The following CLVS1 variants were observed in gnomAD, a reference collection of about 807,000 sequenced individuals.
The protein encoded by CLVS1 is clavesin 1.
Under a neutral mutation model 33.1 loss-of-function variants are expected in CLVS1, and 10 were observed. That is an observed-to-expected ratio of 0.30 (90% CI 0.19 to 0.51). The LOEUF is 0.51. Among genes scored for constraint, CLVS1 ranks in the 20% least tolerant of loss-of-function variants. The probability of loss-of-function intolerance (pLI) is 0.97; values close to 1 mark genes in which losing one functional copy is unlikely to be tolerated. For missense variants in CLVS1, 343 were observed against 433.4 expected, an observed-to-expected ratio of 0.79 and a Z score of 1.85; for synonymous variants, 163 against 166.1, an observed-to-expected ratio of 0.98 and a Z score of 0.14.
intron 1 of CLVS1, among the ~76,000 whole-genome samples, chr8:61,067,431 G>T (rs1239922032): frequency 1.4e-5 from 2 of 147,702 alleles, no homozygotes; most frequent in East Asian, 3.9e-4. Context: ...TACTTATAAG[G>T]ATATATTATA....
intron 2 of CLVS1, among the ~76,000 whole-genome samples, chr8:61,279,806 CAGTTTCAG>C (rs1308338900): frequency 6.6e-6 from 1 of 151,948 alleles, no homozygotes; most frequent in Non-Finnish European, 1.5e-5. Context: ...ATATTTTATC[CAGTTTCAG>C]AGTCTGAATA....
chr8:61,266,976 G>A (rs1463041703), intron 2 of CLVS1, among the ~76,000 whole-genome samples: 1 of 152,196 alleles, frequency 6.6e-6, no homozygotes, highest in Non-Finnish European at 1.5e-5. Context: ...GCCACACAGA[G>A]GCAGTTTCAC....
chr8:61,036,968 A>G, the CLVS1 span, among the ~76,000 whole-genome samples: 3 of 152,228 alleles, frequency 2.0e-5, no homozygotes, highest in African/African-American at 7.2e-5. Flanking sequence ...CTCTCTGACC[A>G]GAAAAGAGGA....
At chr8:61,073,803 G>A (rs1200771138) in intron 1 of CLVS1, among the ~76,000 whole-genome samples, 1 of 148,418 alleles carries the variant, frequency 6.7e-6, no homozygotes, top group Non-Finnish European at 1.5e-5. Context: ...ACGAGGTCAG[G>A]AGATCGAGAC....
At chr8:61,339,341 T>C (rs553745843) in intron 2 of CLVS1, among the ~76,000 whole-genome samples, 2 of 152,248 alleles carry the variant, frequency 1.3e-5, no homozygotes, top group South Asian at 4.1e-4. Context: ...AAGGCAGAGG[T>C]CTAGGAGTCA....
chr8:61,277,743 C>T (rs1196622242), intron 2 of CLVS1, among the ~76,000 whole-genome samples: 3 of 151,992 alleles, frequency 2.0e-5, no homozygotes, highest in Non-Finnish European at 2.9e-5. Flanking sequence ...TAATAACGTC[C>T]GTAGATTCTC....
intron 5 of CLVS1, among the ~76,000 whole-genome samples, chr8:61,493,181 T>C (rs2640238): frequency 0.029 from 4,400 of 152,324 alleles, 74 homozygotes; most frequent in African/African-American, 0.056. Context: ...TTTTTTAAAA[T>C]ACTAGACTTC....
the CLVS1 span, among the ~76,000 whole-genome samples, chr8:61,010,637 T>C: frequency 2.6e-5 from 4 of 152,278 alleles, no homozygotes; most frequent in South Asian, 8.3e-4. Flanking sequence ...TTGTTAATGG[T>C]GGAGATGAGG....
At chr8:61,077,981 T>TG (rs911806514) in intron 1 of CLVS1, among the ~76,000 whole-genome samples, 2 of 152,152 alleles carry the variant, frequency 1.3e-5, no homozygotes, top group African/African-American at 4.8e-5. Context: ...TGGCTTGACT[T>TG]GGGATCAGAC....
intron 2 of CLVS1, among the ~76,000 whole-genome samples, chr8:61,242,555 C>T (rs770827259): frequency 2.0e-5 from 3 of 152,022 alleles, no homozygotes; most frequent in Non-Finnish European, 2.9e-5. Context: ...TCTGGAAGGC[C>T]GAGGCGGGAG....
the CLVS1 span, among the ~76,000 whole-genome samples, chr8:60,981,289 A>G: frequency 3.3e-5 from 5 of 152,266 alleles, no homozygotes; most frequent in Non-Finnish European, 7.3e-5. Flanking sequence ...GTATGCCACA[A>G]GCCAAATATA....
chr8:61,357,645 A>G (rs551621664), intron 2 of CLVS1, among the ~76,000 whole-genome samples: 1 of 151,374 alleles, frequency 6.6e-6, no homozygotes, highest in African/African-American at 2.4e-5. Flanking sequence ...AGCTGGGATT[A>G]CAGGTGCCTG....
chr8:61,101,906 TATC>T (rs770038409), intron 1 of CLVS1, among the ~76,000 whole-genome samples: 9 of 152,056 alleles, frequency 5.9e-5, no homozygotes, highest in Non-Finnish European at 1.0e-4. Context: ...AAAAATCAAG[TATC>T]ATAAATGTGA....
At chr8:61,244,737 G>A (rs1452153881) in intron 2 of CLVS1, among the ~76,000 whole-genome samples, 1 of 152,124 alleles carries the variant, frequency 6.6e-6, no homozygotes, top group Non-Finnish European at 1.5e-5. Flanking sequence ...TGGCATGTGT[G>A]TATGGGGGTA....
At chr8:61,018,873 G>A in the CLVS1 span, among the ~76,000 whole-genome samples, 1 of 152,240 alleles carries the variant, frequency 6.6e-6, no homozygotes, top group African/African-American at 2.4e-5. Flanking sequence ...TTAGTCAAGA[G>A]CACAGCTGGT....
intron 3 of CLVS1, among the ~76,000 whole-genome samples, chr8:61,424,821 C>T (rs780341760): frequency 6.6e-6 from 1 of 152,132 alleles, no homozygotes; most frequent in African/African-American, 2.4e-5. Flanking sequence ...AGGAAATGTA[C>T]ACAGAAGATT....
At chr8:61,175,473 A>G (rs1807096239) in intron 2 of CLVS1, among the ~76,000 whole-genome samples, 1 of 152,206 alleles carries the variant, frequency 6.6e-6, no homozygotes, top group Admixed American at 6.5e-5. Flanking sequence ...AGTTAATGGT[A>G]TTTTGTTATA....
At chr8:61,331,467 T>C (rs996117829) in intron 2 of CLVS1, among the ~76,000 whole-genome samples, 3 of 151,850 alleles carry the variant, frequency 2.0e-5, no homozygotes, top group African/African-American at 7.2e-5. Context: ...GGCTTTATTA[T>C]TATTATTATT....
At chr8:61,195,081 C>T (rs1391626657) in intron 2 of CLVS1, among the ~76,000 whole-genome samples, 2 of 151,714 alleles carry the variant, frequency 1.3e-5, no homozygotes, top group African/African-American at 4.8e-5. Context: ...CAAATCATAG[C>T]TTTAAATGAA....
Sources: gnomAD v4.1 joint callset for allele counts (sites outside exome capture counted in the v4.1 genomes callset) on GRCh38, gnomAD v4.1.1 for gene constraint, MANE v1.5 for transcripts, NCBI Gene and HGNC (gene_info 2026-07-23, HGNC 2026-07-21) for gene names.